The following USP20 variants were observed in gnomAD, a reference collection of about 807,000 sequenced individuals.
USP20 encodes ubiquitin carboxyl-terminal hydrolase 20.
In USP20, 80 loss-of-function variants were observed where a neutral mutation model predicts 124.2. The observed-to-expected ratio is 0.64, with a 90% CI of 0.54 to 0.78. The LOEUF (loss-of-function observed/expected upper bound fraction) is 0.78, where lower values mean the gene tolerates loss of function less well. Ranked by LOEUF, USP20 falls within the 30% of genes least tolerant of loss-of-function variation. USP20 has a pLI of 0.00. For synonymous variants in USP20, 481 were observed against 512.3 expected (o/e 0.94, Z 0.83); for missense variants, 1,043 against 1,244.4 (o/e 0.84, Z 2.44).
At position 129,845,643 on chromosome 9, in the gene USP20, AG is replaced by A. The variant is rs367605696; in HGVS notation, c.-128-4169del. On this transcript the variant is annotated intron_variant, in intron 1 of 25. Coordinates refer to ENST00000372429, the MANE Select transcript of USP20 (RefSeq NM_001110303.4). ...TGAGCTTAAGGGATCCTCCCTCCTC[AG>A]CTTCCCAAAAGCACTAGGATTACAG... is the stretch of plus-strand genomic sequence containing the variant. 3.3e-4 allele frequency among the ~76,000 whole-genome samples: 50 copies of A among 152,034 alleles called. 2 individuals carry two copies. The South Asian group carries it at 0.01, about 31-fold the overall frequency.
chr9:129,863,754 A>G (rs540734835), intron 9 of USP20, among the ~76,000 whole-genome samples: 3 of 152,354 alleles, frequency 2.0e-5, no homozygotes, highest in Non-Finnish European at 4.4e-5. Context: ...GAAAAGTCAA[A>G]GTTGGGAATA....
chr9:129,880,155 T>A lies in USP20; in HGVS notation c.2627T>A (p.Leu876Gln). Residue 876 changes from leucine to glutamine, a missense_variant, in exon 25 of 26, where the codon CTG (leucine) becomes CAG (glutamine). By Grantham distance (113) the Leu-to-Gln change is moderately radical. Transcript: ENST00000372429. ...GQISEETWTY[L>Q]NSLYGGGPEI... ...ATTTCGGAGGAGACCTGGACCTACC[T>A]GAACAGCCTGTATGGAGGTGGCCCC... 6.2e-7 allele frequency: 1 copy of A among 1,613,848 alleles called. No individual in the cohort carries two copies.
At chr9:129,873,080 C>CTGTTTTTTTTT (rs1554750573) in intron 15 of USP20, among the ~76,000 whole-genome samples, 2 of 78,366 alleles carry the variant, frequency 2.6e-5, no homozygotes, top group Non-Finnish European at 2.3e-5. Context: ...TTTTCTTCTT[C>CTGTTTTTTTTT]TTTTTTTTTT....
chr9:129,861,562 C>T lies in USP20; in HGVS notation c.447C>T (p.Asn149=). The T allele has an allele frequency of 6.2e-7, 1 of 1,614,150 alleles. No individual in the cohort carries two copies. The highest frequency in any genetic ancestry group is 8.5e-7 in the Non-Finnish European group (1 of 1,180,024). The part of the protein sequence containing the change: ...LKPRGLTGMK[N]LGNSCYMNAA... ...TCCCAGGCCTCACGGGCATGAAGAA[C>T]CTCGGGAACTCCTGCTACATGAACG... Residue 149 remains asparagine (N), a synonymous_variant, in exon 8 of 26, where the codon AAC becomes AAT. Transcript: ENST00000372429.
At chr9:129,850,288 A>G (rs556735498) in intron 2 of USP20, among the ~76,000 whole-genome samples, 9 of 152,068 alleles carry the variant, frequency 5.9e-5, no homozygotes, top group African/African-American at 9.6e-5. Flanking sequence ...TACATTTTCT[A>G]TAAGTTAGAA....
In USP20 at chr9:129,861,019, A is replaced by T. The variant is rs930915236; in HGVS notation, c.413A>T (p.Asp138Val). 1.9e-6 allele frequency: 3 copies of T among 1,608,704 alleles called. No homozygotes were observed. The highest frequency in any genetic ancestry group is 2.5e-6 in the Non-Finnish European group (3 of 1,176,968). Residue 138 changes from aspartate (D) to valine (V), a missense_variant, in exon 7 of 26, where the codon GAC becomes GTC. Asp to Val is a radical substitution (Grantham distance 152, BLOSUM62 -3). Coordinates refer to ENST00000372429, the MANE Select transcript of USP20 (RefSeq NM_001110303.4). ...DEGESESEDDDLKPRGLTGMK... is the reference protein window; with the variant it reads ...DEGESESEDDVLKPRGLTGMK... ...GGAGAGTCTGAGTCAGAGGACGATG[A>T]CCTGAAACCTCGAGGTAATGGCCCC...
rs758051048 is a variant in USP20 at position 129,863,219 on chromosome 9, C to T, written c.531C>T (p.Gly177=). 113 of 1,547,034 alleles carry T rather than the reference C, an allele frequency of 7.3e-5. No individual in the cohort carries two copies. The highest frequency in any genetic ancestry group is 3.3e-4 in the Admixed American group (17 of 51,182). Residue 177 remains glycine, a synonymous_variant, in exon 9 of 26, where the codon GGC becomes GGT. Transcript: ENST00000372429. ...PPLTQFFLEC[G]GLVRTDKKPA... ...TGACTCAGTTCTTCTTGGAGTGTGG[C>T]GGCCTGGTGCGCACAGATAAGAAGC...
chr9:129,858,013 G>T, intron 4 of USP20, 37 bp from the exon 5 acceptor site: 2 of 1,593,334 alleles, frequency 1.3e-6, no homozygotes, highest in Non-Finnish European at 1.7e-6. Context: ...CATCCTTTTG[G>T]CAAGCTCCAG....
At chr9:129,875,712 C>A in intron 21 of USP20, 71 bp downstream of exon 21, 1 of 1,507,472 alleles carries the variant, frequency 6.6e-7, no homozygotes, top group Non-Finnish European at 9.1e-7. Context: ...GAGGGGAGGG[C>A]AGGGAAGGAA....
chr9:129,844,623 C>CA (rs1191781066), intron 1 of USP20, among the ~76,000 whole-genome samples: 2,620 of 71,204 alleles, frequency 0.037, 91 homozygotes, highest in Non-Finnish European at 0.053. Flanking sequence ...GACTCTGTCT[C>CA]AAAAAAAAAA....
rs1426385981 is a variant in USP20 at position 129,881,547 on chromosome 9, C to G, written c.*1097C>G. 3 of 152,320 alleles carry G rather than the reference C, an allele frequency of 2.0e-5. No homozygotes were observed. Among genetic ancestry groups the G allele is most frequent in the Non-Finnish European group, 4.4e-5 (3 of 68,078 alleles). The allele number at this position is 152,320 out of a possible 1,614,324, so 9.4% of individuals were successfully genotyped here. On this transcript the variant is annotated 3_prime_UTR_variant, in exon 26 of 26. Coordinates refer to ENST00000372429, the MANE Select transcript of USP20 (RefSeq NM_001110303.4). The stretch of plus-strand genomic sequence containing the variant: ...CTACTGCGTCTTTGTTTCTATCAGT[C>G]TTTGTAGAAGCAGGTGGTGGTGGAA...
In USP20 at chr9:129,875,577, T is replaced by TA; in HGVS notation, c.2237dup (p.Tyr746Ter). ...CTTCCCAGGCATCCCGCCCCACAAATACCACTACATCGACGACCTGGTGGT... is the reference window on the plus strand; with the variant it reads ...CTTCCCAGGCATCCCGCCCCACAAATAACCACTACATCGACGACCTGGTGGT... ...CSHGGIPPHK[Y>*]HYIDDLVVIL... Residue 746 changes from tyrosine to a stop codon, truncating the protein, a stop_gained and frameshift_variant, in exon 21 of 26, where the codon TAC becomes TAAC. Transcript: ENST00000372429. LOFTEE classifies it high-confidence loss of function. 6.2e-7 allele frequency: 1 copy of TA among 1,614,064 alleles called. No individual in the cohort carries two copies. Among genetic ancestry groups the TA allele is most frequent in the Non-Finnish European group, 8.5e-7 (1 of 1,179,990 alleles).
At chr9:129,867,942 G>A in intron 10 of USP20, 63 bp from the exon 11 acceptor site, 1 of 1,541,466 alleles carries the variant, frequency 6.5e-7, no homozygotes, top group Non-Finnish European at 8.7e-7. Context: ...TCAGCCACAG[G>A]GCGCTGGAGA....
intron 8 of USP20, among the ~76,000 whole-genome samples, chr9:129,862,211 T>C (rs1006471937): frequency 6.6e-5 from 10 of 152,156 alleles, no homozygotes; most frequent in African/African-American, 2.2e-4. Flanking sequence ...AAAATGTTCC[T>C]AGTAACTATC....
rs181382250 is a variant in USP20 at position 129,861,912 on chromosome 9, G to A, written c.497+300G>A. 7.2e-5 allele frequency among the ~76,000 whole-genome samples: 11 copies of A among 152,322 alleles called. No individual in the cohort carries two copies. The East Asian group carries it at 1.9e-3, about 27-fold the overall frequency. Reference sequence around the variant, plus strand: ...TAAATTCTCATAGCCCTTGCAGCAAGTGCAGGAAAAATGGCACAAGACAAC... The same window carrying A: ...TAAATTCTCATAGCCCTTGCAGCAAATGCAGGAAAAATGGCACAAGACAAC... On this transcript the variant is annotated intron_variant, in intron 8 of 25. Coordinates refer to ENST00000372429, the MANE Select transcript of USP20 (RefSeq NM_001110303.4).
intron 1 of USP20, among the ~76,000 whole-genome samples, chr9:129,838,335 C>T (rs2031993055): frequency 6.6e-6 from 1 of 152,164 alleles, no homozygotes; most frequent in African/African-American, 2.4e-5. Flanking sequence ...AGCCACTGTG[C>T]CCGGCTAACA....
Position 129,846,241 on chromosome 9 carries a change from ATATATATTTTTTTTT to A in USP20, c.-128-3570_-128-3556del, listed in dbSNP as rs1242807305. Among the ~76,000 whole-genome samples, 236 of 26,518 alleles carry A rather than the reference ATATATATTTTTTTTT, an allele frequency of 8.9e-3. 12 individuals are homozygous for A. In the East Asian group the frequency reaches 0.16, roughly 18 times the overall value. 17.4% of individuals were successfully genotyped at this position (26,518 alleles called of 152,430 possible). ...ACTGCGCCCAGCCATATATATATAT[ATATATATTTTTTTTT>A]TTTTTTTTTTTTTTTTTGAGATAGG... On this transcript the variant is annotated intron_variant, in intron 1 of 25. Transcript: ENST00000372429.
intron 21 of USP20, 115 bp downstream of exon 21, chr9:129,875,756 C>A: frequency 2.0e-6 from 2 of 1,019,464 alleles, no homozygotes; most frequent in South Asian, 1.5e-5. Context: ...CTCTGGCCTC[C>A]ACGTGGGCAG....
intron 1 of USP20, among the ~76,000 whole-genome samples, chr9:129,841,327 C>A: frequency 6.6e-6 from 1 of 152,154 alleles, no homozygotes; most frequent in East Asian, 1.9e-4. Context: ...ATAAAGATAC[C>A]AGTAAGATTA....
Sources: allele counts gnomAD v4.1 joint callset (sites outside exome capture counted in the v4.1 genomes callset), GRCh38; gene constraint gnomAD v4.1.1; transcripts MANE v1.5; gene names NCBI Gene and HGNC (gene_info 2026-07-23, HGNC 2026-07-21).